Variants in CAMK4 observed in about 807,000 individuals in gnomAD.
The protein encoded by CAMK4 is calcium/calmodulin dependent protein kinase IV.
CAMK4 carries 22 observed loss-of-function variants against 44.9 expected under a neutral mutation model. The ratio of observed to expected loss-of-function variants is 0.49; its 90% confidence interval spans 0.35 to 0.70. CAMK4 has a LOEUF of 0.70. CAMK4 is among the 30% of genes least tolerant of loss of function. The probability of loss-of-function intolerance (pLI) is 0.01; values close to 1 mark genes in which losing one functional copy is unlikely to be tolerated. For synonymous variants in CAMK4, 218 were observed against 215.4 expected (o/e 1.01, Z -0.11); for missense variants, 498 against 586.8 (o/e 0.85, Z 1.56).
intron 1 of CAMK4, 78 bp from the exon 2 acceptor site, chr5:111,343,946 A>T: frequency 1.2e-6 from 1 of 817,276 alleles, no homozygotes; most frequent in Non-Finnish European, 2.1e-6. Flanking sequence ...TTATTGCAAG[A>T]TACACTTATT....
chr5:111,442,975 C>G (rs1349357275), intron 5 of CAMK4, among the ~76,000 whole-genome samples: 1 of 149,408 alleles, frequency 6.7e-6, no homozygotes, highest in Non-Finnish European at 1.5e-5. Flanking sequence ...TTTGGGGTTT[C>G]CAACATTTTT....
In CAMK4 at chr5:111,356,259, A is replaced by G. The variant is rs1318811852; in HGVS notation, c.240+12157A>G. ...TGCATTTCTCTGATGGCCAGTGATGATGAGCATTTTTTCATGTGTCTTTTG... is the reference window on the plus strand; with the variant it reads ...TGCATTTCTCTGATGGCCAGTGATGGTGAGCATTTTTTCATGTGTCTTTTG... On this transcript the variant is annotated intron_variant, in intron 2 of 10. Coordinates refer to ENST00000282356, the MANE Select transcript of CAMK4 (RefSeq NM_001744.6). Among the ~76,000 whole-genome samples, 331 of 151,202 alleles carry G rather than the reference A, an allele frequency of 2.2e-3. 1 individual carries two copies. Among genetic ancestry groups the G allele is most frequent in the Non-Finnish European group, 3.1e-3 (211 of 67,518 alleles).
At chr5:111,365,203 C>T (rs1750746475) in intron 2 of CAMK4, 1 of 152,016 alleles carries the variant, frequency 6.6e-6, no homozygotes, top group Admixed American at 6.6e-5. Flanking sequence ...ATGGACAGGG[C>T]CAAGGCATTA....
At position 111,231,121 on chromosome 5, in the gene CAMK4, C is replaced by T. The variant is rs76522299; in HGVS notation, c.161+6477C>T. On this transcript the variant is annotated intron_variant, in intron 1 of 10. Transcript: ENST00000282356. ...TAATTAGGAAGTTAGGTCTAAATATCGAAGGCATAGTATTAGCACATAAAG... is the reference window on the plus strand; with the variant it reads ...TAATTAGGAAGTTAGGTCTAAATATTGAAGGCATAGTATTAGCACATAAAG... Among the ~76,000 whole-genome samples, 302 of 152,218 alleles carry T rather than the reference C, an allele frequency of 2.0e-3. 6 individuals are homozygous for T. The East Asian group carries it at 0.054, about 27-fold the overall frequency.
chr5:111,364,510 T>A (rs1231443096), intron 2 of CAMK4, among the ~76,000 whole-genome samples: 2 of 152,076 alleles, frequency 1.3e-5, no homozygotes, highest in Admixed American at 6.6e-5. Context: ...TGCAAGCACA[T>A]AGGTTTGTAT....
At chr5:111,378,560 A>T (rs766541541) in intron 4 of CAMK4, among the ~76,000 whole-genome samples, 4 of 152,174 alleles carry the variant, frequency 2.6e-5, no homozygotes, top group Non-Finnish European at 5.9e-5. Context: ...ACAGATACAC[A>T]TCTGAATTTT....
chr5:111,276,205 G>C (rs547755366), intron 1 of CAMK4, among the ~76,000 whole-genome samples: 6 of 152,174 alleles, frequency 3.9e-5, no homozygotes, highest in African/African-American at 1.4e-4. Context: ...TATTACTTAT[G>C]TGTTTAAGGA....
At chr5:111,238,279 T>G (rs1748823214) in intron 1 of CAMK4, among the ~76,000 whole-genome samples, 1 of 152,192 alleles carries the variant, frequency 6.6e-6, no homozygotes, top group African/African-American at 2.4e-5. Context: ...GAATGTTTAT[T>G]CCTCCAAAGG....
At chr5:111,228,047 C>T (rs1480693023) in intron 1 of CAMK4, among the ~76,000 whole-genome samples, 2 of 152,118 alleles carry the variant, frequency 1.3e-5, no homozygotes, top group African/African-American at 2.4e-5. Flanking sequence ...AGGAAATGGC[C>T]CAGCCTGCTT....
At chr5:111,366,128 T>A (rs1258260086) in intron 2 of CAMK4, among the ~76,000 whole-genome samples, 1 of 152,184 alleles carries the variant, frequency 6.6e-6, no homozygotes, top group Non-Finnish European at 1.5e-5. Context: ...TAATGATTTA[T>A]ATTGTGCTTG....
intron 1 of CAMK4, among the ~76,000 whole-genome samples, chr5:111,294,150 AATGAATACAT>A (rs1435695650): frequency 6.6e-6 from 1 of 152,214 alleles, no homozygotes; most frequent in Non-Finnish European, 1.5e-5. Context: ...AATATATTCA[AATGAATACAT>A]ATAGAAAGCT....
chr5:111,429,576 C>T (rs1252567194), intron 5 of CAMK4, among the ~76,000 whole-genome samples: 1 of 151,772 alleles, frequency 6.6e-6, no homozygotes, highest in African/African-American at 2.4e-5. Flanking sequence ...AGTTCCAGAT[C>T]AGCATGGGCA....
At chr5:111,318,784 G>A (rs1220879999) in intron 1 of CAMK4, among the ~76,000 whole-genome samples, 1 of 152,160 alleles carries the variant, frequency 6.6e-6, no homozygotes, top group Non-Finnish European at 1.5e-5. Context: ...GACAGAGTAA[G>A]TATGAGGATA....
intron 1 of CAMK4, among the ~76,000 whole-genome samples, chr5:111,259,503 C>G (rs893573864): frequency 6.6e-6 from 1 of 152,138 alleles, no homozygotes; most frequent in Non-Finnish European, 1.5e-5. Context: ...GGGCAAGTTT[C>G]CAACAGCTCA....
At chr5:111,473,499 T>G (rs1466435510) in intron 8 of CAMK4, 113 bp downstream of exon 8, 3 of 675,474 alleles carry the variant, frequency 4.4e-6, no homozygotes, top group Non-Finnish European at 7.8e-6. Context: ...TTTTGTGATT[T>G]TCTGTTACAT....
chr5:111,438,566 T>A (rs990326377), intron 5 of CAMK4, among the ~76,000 whole-genome samples: 1 of 152,150 alleles, frequency 6.6e-6, no homozygotes, highest in African/African-American at 2.4e-5. Flanking sequence ...AAATTTAAGA[T>A]TAATCATAAT....
At chr5:111,478,812 C>A (rs918845405) in intron 9 of CAMK4, among the ~76,000 whole-genome samples, 5 of 152,142 alleles carry the variant, frequency 3.3e-5, no homozygotes, top group African/African-American at 1.2e-4. Flanking sequence ...AATTCAAACA[C>A]AATTTACACA....
chr5:111,484,986 A>G lies in CAMK4; in HGVS notation c.*520A>G, dbSNP rs1266735184. On this transcript the variant is annotated 3_prime_UTR_variant, in exon 11 of 11. Coordinates refer to ENST00000282356, the MANE Select transcript of CAMK4 (RefSeq NM_001744.6). This position sits in a 1 kb window ranked among gnomAD's most constrained non-coding sequence, Gnocchi z 5.3. ...TGATAGTTGTACATATGTGCAAAAAAAAATCCACTTGCAATGGTAAGAAAT... is the reference window on the plus strand; with the variant it reads ...TGATAGTTGTACATATGTGCAAAAAGAAATCCACTTGCAATGGTAAGAAAT... 6.6e-6 allele frequency: 1 copy of G among 152,274 alleles called. No homozygotes were observed. The highest frequency in any genetic ancestry group is 6.5e-5 in the Admixed American group (1 of 15,282). The allele number at this position is 152,274 out of a possible 1,614,324, so 9.4% of individuals were successfully genotyped here.
In CAMK4 at chr5:111,300,251, A is replaced by G. The variant is rs75139050; in HGVS notation, c.162-43773A>G. Among the ~76,000 whole-genome samples the G allele has an allele frequency of 2.8e-3, 420 of 152,352 alleles. 1 individual carries two copies. The highest frequency in any genetic ancestry group is 4.7e-3 in the Non-Finnish European group (317 of 68,032). On this transcript the variant is annotated intron_variant, in intron 1 of 10. Coordinates refer to ENST00000282356, the MANE Select transcript of CAMK4 (RefSeq NM_001744.6). The stretch of plus-strand genomic sequence containing the variant: ...GAAACGAGACAGAATTATTACCATT[A>G]ATGAAACTGAAAAATATGAGAGACA...
Sources: allele counts gnomAD v4.1 joint callset (sites outside exome capture counted in the v4.1 genomes callset), GRCh38; gene constraint gnomAD v4.1.1; non-coding constraint Gnocchi (gnomAD v3.1); transcripts MANE v1.5; gene names NCBI Gene and HGNC (gene_info 2026-07-23, HGNC 2026-07-21).